Variants in CPNE8 observed in about 807,000 individuals in gnomAD.
CPNE8 encodes the protein copine 8, also known as copine-8.
CPNE8 carries 45 observed loss-of-function variants against 81.5 expected under a neutral mutation model. The ratio of observed to expected loss-of-function variants is 0.55; its 90% CI spans 0.44 to 0.71. CPNE8 has a LOEUF of 0.71. Among genes scored for constraint, CPNE8 ranks in the 30% least tolerant of loss-of-function variants. The pLI is 0.00. For synonymous variants in CPNE8, 252 were observed against 226.3 expected (o/e 1.11, Z -1.02); for missense variants, 594 against 672.1 (o/e 0.88, Z 1.28).
At chr12:38,841,321 C>G (rs1592131956) in intron 4 of CPNE8, among the ~76,000 whole-genome samples, 1 of 152,292 alleles carries the variant, frequency 6.6e-6, no homozygotes, top group Non-Finnish European at 1.5e-5. Context: ...GATCGAATTT[C>G]TTGCCTCACC....
intron 11 of CPNE8, among the ~76,000 whole-genome samples, chr12:38,728,337 T>G (rs1035668507): frequency 7.2e-5 from 11 of 151,972 alleles, no homozygotes; most frequent in African/African-American, 2.7e-4. Context: ...GCGTAAAGGA[T>G]GAAAGTATGA....
At chr12:38,809,674 A>G in intron 6 of CPNE8, among the ~76,000 whole-genome samples, 1 of 152,168 alleles carries the variant, frequency 6.6e-6, no homozygotes, top group East Asian at 1.9e-4. Context: ...AGGTCCCTGA[A>G]GATCTCATCA....
At chr12:38,843,827 C>T (rs902131219) in intron 4 of CPNE8, among the ~76,000 whole-genome samples, 25 of 152,082 alleles carry the variant, frequency 1.6e-4, no homozygotes, top group African/African-American at 4.6e-4. Flanking sequence ...TGCATTCCCA[C>T]CTCCCTTCTG....
At position 38,745,833 on chromosome 12, in the gene CPNE8, C is replaced by A. The variant is rs536867146; in HGVS notation, c.722+15014G>T. On this transcript the variant is annotated intron_variant, in intron 10 of 19. Coordinates refer to ENST00000331366, the MANE Select transcript of CPNE8 (RefSeq NM_153634.3). ...CTGGGATTACCTACGTGAGCCACGG[C>A]ACCCCATAGGGTTTTTATTATGCTA... Among the ~76,000 whole-genome samples, 4 of 152,320 alleles carry A rather than the reference C, an allele frequency of 2.6e-5. No individual in the cohort carries two copies. In the South Asian group the frequency reaches 8.3e-4, roughly 32 times the overall value.
In CPNE8 at chr12:38,776,113, T is replaced by A. The variant is rs548465458; in HGVS notation, c.471+125A>T. ...GGGCTAAGTACCTAAAATGATATTT[T>A]ATGGGTTATAAAATTGTATAACACT... On this transcript the variant is annotated intron_variant, in intron 7 of 19. Coordinates refer to ENST00000331366, the MANE Select transcript of CPNE8 (RefSeq NM_153634.3). 17 of 404,824 alleles carry A rather than the reference T, an allele frequency of 4.2e-5. No homozygotes were observed. In the East Asian group the frequency reaches 6.5e-4, roughly 16 times the overall value. The allele number at this position is 404,824 out of a possible 1,614,324, so 25.1% of individuals were successfully genotyped here.
chr12:38,825,116 G>T (rs908759155), intron 6 of CPNE8, among the ~76,000 whole-genome samples: 3 of 152,062 alleles, frequency 2.0e-5, no homozygotes, highest in African/African-American at 7.2e-5. Flanking sequence ...TGAATTTCTC[G>T]GCTATTTCGG....
intron 6 of CPNE8, among the ~76,000 whole-genome samples, chr12:38,786,790 T>C (rs1296233361): frequency 6.6e-6 from 1 of 152,108 alleles, no homozygotes; most frequent in East Asian, 1.9e-4. Context: ...CAAGGGAGTC[T>C]AGCAATTTTA....
intron 10 of CPNE8, among the ~76,000 whole-genome samples, chr12:38,758,833 C>A (rs1941517524): frequency 6.6e-6 from 1 of 152,078 alleles, no homozygotes; most frequent in South Asian, 2.1e-4. Flanking sequence ...ATTCAAAATT[C>A]TTGTGGCTCA....
At chr12:38,819,527 G>A (rs1943079665) in intron 6 of CPNE8, among the ~76,000 whole-genome samples, 1 of 152,086 alleles carries the variant, frequency 6.6e-6, no homozygotes, top group South Asian at 2.1e-4. Flanking sequence ...CAGCACTTTG[G>A]GAGGCCGAGG....
Position 38,665,888 on chromosome 12 carries a change from A to T in CPNE8, c.1506+4841T>A, listed in dbSNP as rs113549712. 1.9e-3 allele frequency among the ~76,000 whole-genome samples: 290 copies of T among 152,248 alleles called. 2 individuals carry two copies. Among genetic ancestry groups the T allele is most frequent in the Non-Finnish European group, 3.0e-3 (205 of 68,016 alleles). ...GTAAGCAGGATGGTTATTATTCTAAAACTTAAGTAACTTATTTTCTTATGT... is the reference window on the plus strand; with the variant it reads ...GTAAGCAGGATGGTTATTATTCTAATACTTAAGTAACTTATTTTCTTATGT... On this transcript the variant is annotated intron_variant, in intron 19 of 19. Transcript: ENST00000331366.
chr12:38,869,676 T>G (rs1943962953), intron 3 of CPNE8, among the ~76,000 whole-genome samples: 1 of 152,162 alleles, frequency 6.6e-6, no homozygotes, highest in African/African-American at 2.4e-5. Flanking sequence ...TCTTTAATAC[T>G]TTTCACTCTT....
At chr12:38,738,645 T>G (rs1941008701) in intron 10 of CPNE8, among the ~76,000 whole-genome samples, 1 of 152,146 alleles carries the variant, frequency 6.6e-6, no homozygotes, top group South Asian at 2.1e-4. Flanking sequence ...AACTCAGATC[T>G]TTCAGATTTG....
chr12:38,715,490 C>T (rs1335588353), intron 13 of CPNE8, among the ~76,000 whole-genome samples: 1 of 152,018 alleles, frequency 6.6e-6, no homozygotes, highest in Non-Finnish European at 1.5e-5. Context: ...GATAGTTTAA[C>T]ATACGCAATT....
intron 4 of CPNE8, among the ~76,000 whole-genome samples, chr12:38,844,854 A>G (rs1218655376): frequency 6.6e-6 from 1 of 152,204 alleles, no homozygotes; most frequent in African/African-American, 2.4e-5. Context: ...TAAAATCAAC[A>G]GGCATTAAGT....
At chr12:38,790,466 G>A (rs1032097102) in intron 6 of CPNE8, among the ~76,000 whole-genome samples, 4 of 151,558 alleles carry the variant, frequency 2.6e-5, no homozygotes, top group Admixed American at 6.6e-5. Flanking sequence ...GGTGCTTGGG[G>A]TAATATAGAG....
At chr12:38,879,538 T>C (rs1944120008) in intron 1 of CPNE8, among the ~76,000 whole-genome samples, 1 of 152,158 alleles carries the variant, frequency 6.6e-6, no homozygotes, top group Admixed American at 6.5e-5. Flanking sequence ...ATTCTTCATA[T>C]GTATAATGAG....
At chr12:38,847,867 T>C (rs951368657) in intron 4 of CPNE8, among the ~76,000 whole-genome samples, 1 of 152,186 alleles carries the variant, frequency 6.6e-6, no homozygotes, top group Non-Finnish European at 1.5e-5. Context: ...TTAATGTTCA[T>C]GAATTTCCTT....
In CPNE8 at chr12:38,862,173, T is replaced by C. The variant is rs1337403156; in HGVS notation, c.186+10831A>G. Among the ~76,000 whole-genome samples, 5 of 152,040 alleles carry C rather than the reference T, an allele frequency of 3.3e-5. No individual in the cohort carries two copies. In the South Asian group the frequency reaches 1.0e-3, roughly 32 times the overall value. ...AATGCAAAGAACAGAAAAAATATAA[T>C]GAAATGCACCATAAGCACATGTGGT... On this transcript the variant is annotated intron_variant, in intron 3 of 19. Transcript: ENST00000331366.
At chr12:38,803,678 A>G (rs1942745954) in intron 6 of CPNE8, among the ~76,000 whole-genome samples, 1 of 150,212 alleles carries the variant, frequency 6.7e-6, no homozygotes, top group Non-Finnish European at 1.5e-5. Flanking sequence ...CAGGAGAAGG[A>G]AATAAAGGGT....
Sources: allele counts gnomAD v4.1 joint callset (sites outside exome capture counted in the v4.1 genomes callset), GRCh38; gene constraint gnomAD v4.1.1; transcripts MANE v1.5; gene names NCBI Gene and HGNC (gene_info 2026-07-23, HGNC 2026-07-21).